Variants in PTPN4 observed in about 807,000 individuals in gnomAD.
PTPN4 encodes the protein protein tyrosine phosphatase non-receptor type 4, also known as tyrosine-protein phosphatase non-receptor type 4.
A neutral mutation model predicts 135.5 loss-of-function variants in PTPN4; 49 were observed. That is an observed-to-expected ratio of 0.36 (90% CI 0.29 to 0.46). The LOEUF (loss-of-function observed/expected upper bound fraction) is 0.46. Ranked by LOEUF, PTPN4 falls within the 20% of genes least tolerant of loss-of-function variation. PTPN4 has a pLI of 1.00. For missense variants in PTPN4, 860 were observed against 1,101.0 expected, an observed-to-expected ratio of 0.78 and a Z score of 3.10; for synonymous variants, 333 against 369.9, an observed-to-expected ratio of 0.90 and a Z score of 1.14.
At chr2:119,760,405 C>T (rs1325116172) in intron 1 of PTPN4, 21 bp downstream of exon 1, 1 of 387,460 alleles carries the variant, frequency 2.6e-6, no homozygotes, top group African/African-American at 2.1e-5. Context: ...CTCCGGTCCC[C>T]GCCGGCCTCT....
At chr2:119,824,281 G>C (rs543345720) in intron 2 of PTPN4, among the ~76,000 whole-genome samples, 8 of 152,078 alleles carry the variant, frequency 5.3e-5, no homozygotes, top group Admixed American at 3.3e-4. Flanking sequence ...TACTCTTTTT[G>C]GGGGGGAGGC....
At chr2:119,824,167 T>C (rs981439921) in intron 2 of PTPN4, among the ~76,000 whole-genome samples, 1 of 152,178 alleles carries the variant, frequency 6.6e-6, no homozygotes, top group Non-Finnish European at 1.5e-5. Context: ...GAACATACTT[T>C]GTATGATTTC....
intron 9 of PTPN4, among the ~76,000 whole-genome samples, chr2:119,898,322 T>C (rs191220361): frequency 5.8e-4 from 89 of 152,298 alleles, no homozygotes; most frequent in South Asian, 6.2e-4. Flanking sequence ...ATCAGAGATA[T>C]GAGAACATTT....
chr2:119,801,621 T>C (rs1384715822), intron 1 of PTPN4, among the ~76,000 whole-genome samples: 1 of 152,194 alleles, frequency 6.6e-6, no homozygotes, highest in Non-Finnish European at 1.5e-5. Context: ...TCTATGTGTT[T>C]TGTTAGATTT....
chr2:119,883,046 A>G (rs182237301), intron 8 of PTPN4, among the ~76,000 whole-genome samples: 4 of 152,252 alleles, frequency 2.6e-5, no homozygotes, highest in African/African-American at 9.6e-5. Context: ...ATATTTCTTT[A>G]AGAACAGTAC....
At chr2:119,781,438 A>G (rs1167019202) in intron 1 of PTPN4, among the ~76,000 whole-genome samples, 2 of 152,176 alleles carry the variant, frequency 1.3e-5, no homozygotes, top group African/African-American at 2.4e-5. Flanking sequence ...TCTCAACAAT[A>G]TTAATATTTA....
intron 3 of PTPN4, among the ~76,000 whole-genome samples, chr2:119,875,459 T>C (rs528184716): frequency 6.6e-6 from 1 of 152,272 alleles, no homozygotes; most frequent in South Asian, 2.1e-4. Flanking sequence ...GAAATTTTGA[T>C]TGTAGACAGT....
At position 119,950,222 on chromosome 2, in the gene PTPN4, T is replaced by C. The variant is rs180789055; in HGVS notation, c.1657-1751T>C. On this transcript the variant is annotated intron_variant, in intron 18 of 26. Transcript: ENST00000263708. ...AGTACCATTGGCTCCCAATTCACTA[T>C]ACTTCAGGTATCTCAAAGACATTTA... Among the ~76,000 whole-genome samples the C allele has an allele frequency of 2.0e-5, 3 of 152,318 alleles. No homozygotes were observed. The East Asian group carries it at 5.8e-4, about 29-fold the overall frequency.
chr2:119,930,128 A>G (rs1388210725), intron 13 of PTPN4, among the ~76,000 whole-genome samples: 2 of 152,166 alleles, frequency 1.3e-5, no homozygotes, highest in Admixed American at 1.3e-4. Flanking sequence ...AAACGGTGTC[A>G]TGAGTTGTCT....
At chr2:119,835,217 C>CCA (rs1375319409) in intron 2 of PTPN4, among the ~76,000 whole-genome samples, 1 of 152,148 alleles carries the variant, frequency 6.6e-6, no homozygotes, top group Non-Finnish European at 1.5e-5. Context: ...CAGAGTCTCA[C>CCA]TCTGTCGCTC....
At chr2:119,935,529 A>G (rs189980237) in intron 15 of PTPN4, among the ~76,000 whole-genome samples, 20 of 152,254 alleles carry the variant, frequency 1.3e-4, no homozygotes, top group Admixed American at 1.2e-3. Context: ...ACCAAGGAAG[A>G]CTGGCTGAGC....
In PTPN4 at chr2:119,967,964, C is replaced by T; in HGVS notation, c.2686C>T (p.Gln896Ter). 1 of 1,598,804 alleles carries T rather than the reference C, an allele frequency of 6.3e-7. No homozygotes were observed. Among genetic ancestry groups the T allele is most frequent in the Non-Finnish European group, 8.5e-7 (1 of 1,169,978 alleles). Reference sequence around the variant, plus strand: ...GAGAGATCAGCGAGCCATGATGATCCAAACACCTGTGAGTACTGTACTTTA... The same window carrying T: ...GAGAGATCAGCGAGCCATGATGATCTAAACACCTGTGAGTACTGTACTTTA... ...TMRDQRAMMI[Q>*]TPSQYRFVCE... The change falls in exon 26 of 27, where the codon CAA becomes TAA. Residue 896 changes from glutamine to a stop codon, truncating the protein, a stop_gained. Transcript: ENST00000263708. LOFTEE classifies it high-confidence loss of function.
intron 9 of PTPN4, among the ~76,000 whole-genome samples, chr2:119,893,104 G>C (rs920958649): frequency 6.6e-5 from 10 of 152,088 alleles, no homozygotes; most frequent in African/African-American, 2.4e-4. Context: ...AAGACATGTT[G>C]TGAATTTACA....
At chr2:119,830,259 G>GCAC (rs1358998974) in intron 2 of PTPN4, among the ~76,000 whole-genome samples, 5 of 152,098 alleles carry the variant, frequency 3.3e-5, no homozygotes, top group African/African-American at 1.2e-4. Context: ...TTTTGTCTCA[G>GCAC]CACCATTTGT....
chr2:119,941,103 T>G (rs549216444), intron 15 of PTPN4, among the ~76,000 whole-genome samples: 1 of 152,222 alleles, frequency 6.6e-6, no homozygotes, highest in South Asian at 2.1e-4. Flanking sequence ...TGGCAGATTT[T>G]TGTGTGTGTG....
Position 119,926,579 on chromosome 2 carries a change from G to A in PTPN4, c.1002-19G>A, listed in dbSNP as rs766989763. On this transcript the variant is annotated intron_variant, in intron 12 of 26. Coordinates refer to ENST00000263708, the MANE Select transcript of PTPN4 (RefSeq NM_002830.4). ...AGTTCTCTTAAGACTTTATTGTTGT[G>A]CATATTTATATATTTCAGTGGGAGA... 2.0e-6 allele frequency: 3 copies of A among 1,531,370 alleles called. No homozygotes were observed. Among genetic ancestry groups the A allele is most frequent in the Non-Finnish European group, 2.7e-6 (3 of 1,119,658 alleles). The allele number at this position is 1,531,370 out of a possible 1,614,324, so 94.9% of individuals were successfully genotyped here.
intron 19 of PTPN4, among the ~76,000 whole-genome samples, chr2:119,953,005 T>C (rs1246516740): frequency 6.6e-6 from 1 of 152,166 alleles, no homozygotes; most frequent in African/African-American, 2.4e-5. Context: ...TTTCCTTCAG[T>C]TTTTTGACAA....
chr2:119,865,231 A>G (rs1392369519), intron 3 of PTPN4, among the ~76,000 whole-genome samples: 3 of 152,124 alleles, frequency 2.0e-5, no homozygotes, highest in Non-Finnish European at 2.9e-5. Flanking sequence ...CTAGTTGTCA[A>G]TGTGAAATTA....
chr2:119,868,114 A>G (rs948639564), intron 3 of PTPN4, among the ~76,000 whole-genome samples: 1 of 152,186 alleles, frequency 6.6e-6, no homozygotes, highest in Non-Finnish European at 1.5e-5. Context: ...TTCAGCAGCC[A>G]TTCATAATGA....
Sources: gnomAD v4.1 joint callset for allele counts (sites outside exome capture counted in the v4.1 genomes callset) on GRCh38, gnomAD v4.1.1 for gene constraint, MANE v1.5 for transcripts, NCBI Gene and HGNC (gene_info 2026-07-23, HGNC 2026-07-21) for gene names.